CNTN5: variants seen among roughly 807,000 people sequenced by gnomAD.
CNTN5 encodes the protein contactin-5.
In CNTN5, 77 loss-of-function variants were observed where a neutral mutation model predicts 129.1. The observed-to-expected ratio is 0.60, with a 90% confidence interval of 0.50 to 0.72. The LOEUF is 0.72. Among genes scored for constraint, CNTN5 ranks in the 30% least tolerant of loss-of-function variants. The probability of loss-of-function intolerance (pLI) is 0.00; values close to 1 mark genes in which losing one functional copy is unlikely to be tolerated. For missense variants in CNTN5, 1,478 were observed against 1,328.8 expected (o/e 1.11, Z -1.75); for synonymous variants, 509 against 465.6 (o/e 1.09, Z -1.20).
At chr11:100,185,007 G>GCT (rs34369062) in intron 13 of CNTN5, among the ~76,000 whole-genome samples, 1 of 151,752 alleles carries the variant, frequency 6.6e-6, no homozygotes, top group African/African-American at 2.4e-5. Flanking sequence ...CCACCTTGGC[G>GCT]CTCTCTCTCC....
intron 2 of CNTN5, among the ~76,000 whole-genome samples, chr11:99,399,880 A>T (rs1052820422): frequency 2.0e-5 from 3 of 151,666 alleles, no homozygotes; most frequent in Non-Finnish European, 4.4e-5. Context: ...GTGGGTACAT[A>T]GAAGGTGGAT....
intron 1 of CNTN5, among the ~76,000 whole-genome samples, chr11:99,171,328 T>C (rs1861139285): frequency 6.6e-6 from 1 of 152,216 alleles, no homozygotes; most frequent in African/African-American, 2.4e-5. Flanking sequence ...AAGGATGTTT[T>C]TCTCCAATAC....
intron 13 of CNTN5, among the ~76,000 whole-genome samples, chr11:100,128,626 T>A (rs2112069): frequency 0.8 from 121,935 of 152,118 alleles, 49,786 homozygotes; most frequent in East Asian, 1. Flanking sequence ...ACAGCTATAG[T>A]AGAAAGGCAC....
Position 99,238,379 on chromosome 11 carries a change from G to C in CNTN5, c.-209-86967G>C, listed in dbSNP as rs114791353. The stretch of plus-strand genomic sequence containing the variant: ...AATCGATTGGCATAAAATGCAATCT[G>C]AACCTACACAATTTCAATTACCAGA... On this transcript the variant is annotated intron_variant, in intron 1 of 24. Transcript: ENST00000524871. Among the ~76,000 whole-genome samples, 346 of 152,200 alleles carry C rather than the reference G, an allele frequency of 2.3e-3. 3 individuals carry two copies. The highest frequency in any genetic ancestry group is 8.1e-3 in the African/African-American group (338 of 41,554).
intron 1 of CNTN5, among the ~76,000 whole-genome samples, chr11:99,215,119 A>G (rs551759650): frequency 1.7e-4 from 26 of 152,236 alleles, no homozygotes; most frequent in Admixed American, 5.9e-4. Flanking sequence ...TCATTGTCCC[A>G]TCAATTACTT....
intron 13 of CNTN5, among the ~76,000 whole-genome samples, chr11:100,187,520 A>T: frequency 6.6e-6 from 1 of 152,082 alleles, no homozygotes; most frequent in African/African-American, 2.4e-5. Context: ...AGCGGGAGGC[A>T]TCATATTACA....
intron 15 of CNTN5, among the ~76,000 whole-genome samples, chr11:100,211,325 G>A (rs1364414880): frequency 2.0e-5 from 3 of 152,076 alleles, no homozygotes; most frequent in African/African-American, 4.8e-5. Flanking sequence ...CAACATCGTA[G>A]CAGCTTCCCC....
At position 99,421,066 on chromosome 11, in the gene CNTN5, T is replaced by C. The variant is rs144888303; in HGVS notation, c.-71+95582T>C. On this transcript the variant is annotated intron_variant, in intron 2 of 24. Transcript: ENST00000524871. ...ATTGTGTCTTTCATCAGAAAGAGCA[T>C]GCAAAGCTGAATAAGAAGAACTTTT... Among the ~76,000 whole-genome samples the C allele has an allele frequency of 3.6e-3, 541 of 152,170 alleles. 8 individuals carry two copies. Among genetic ancestry groups the C allele is most frequent in the East Asian group, 0.03 (155 of 5,174 alleles).
chr11:99,025,496 A>AG (rs1196913020), intron 1 of CNTN5, among the ~76,000 whole-genome samples: 20 of 151,936 alleles, frequency 1.3e-4, no homozygotes, highest in South Asian at 4.1e-4. Context: ...CTCATCTTCC[A>AG]TTACTATCCA....
At chr11:100,211,505 T>C (rs911944927) in intron 15 of CNTN5, among the ~76,000 whole-genome samples, 3 of 152,034 alleles carry the variant, frequency 2.0e-5, no homozygotes, top group African/African-American at 7.2e-5. Context: ...TTTTTACCAA[T>C]GTCTTGGGAA....
chr11:99,553,517 T>C (rs1043848076), intron 2 of CNTN5, among the ~76,000 whole-genome samples: 1 of 152,094 alleles, frequency 6.6e-6, no homozygotes, highest in Non-Finnish European at 1.5e-5. Context: ...TCTTAAATAT[T>C]ATTTCATTTA....
Position 99,044,819 on chromosome 11 carries a change from T to A in CNTN5, c.-210+23549T>A, listed in dbSNP as rs181414122. ...TAATAATGCAAATATAAGGAAACTC[T>A]TATGGGGAAATTTTACACGGTCTCT... On this transcript the variant is annotated intron_variant, in intron 1 of 24. Transcript: ENST00000524871. Among the ~76,000 whole-genome samples the A allele has an allele frequency of 4.8e-3, 737 of 152,256 alleles. 5 individuals are homozygous for A. The highest frequency in any genetic ancestry group is 0.017 in the African/African-American group (704 of 41,550).
chr11:99,662,856 C>A (rs1952646812), intron 3 of CNTN5, among the ~76,000 whole-genome samples: 1 of 152,146 alleles, frequency 6.6e-6, no homozygotes, highest in African/African-American at 2.4e-5. Flanking sequence ...TTAAAAAGCT[C>A]CTCAGATGCA....
chr11:100,158,214 A>G (rs1353918600), intron 13 of CNTN5, among the ~76,000 whole-genome samples: 2 of 151,832 alleles, frequency 1.3e-5, no homozygotes, highest in African/African-American at 2.4e-5. Flanking sequence ...AACAAACCAA[A>G]ATCAAAACGA....
At chr11:99,821,524 T>A (rs770100604) in intron 4 of CNTN5, among the ~76,000 whole-genome samples, 12 of 151,730 alleles carry the variant, frequency 7.9e-5, no homozygotes, top group Non-Finnish European at 1.6e-4. Context: ...ATTAGACAAT[T>A]TTTTTTTTCT....
chr11:99,714,053 T>A (rs953001217), intron 3 of CNTN5, among the ~76,000 whole-genome samples: 2 of 151,884 alleles, frequency 1.3e-5, no homozygotes, highest in Non-Finnish European at 2.9e-5. Context: ...TTGTTTCTTT[T>A]TATTCATAGA....
chr11:99,165,987 T>C lies in CNTN5; in HGVS notation c.-210+144717T>C, dbSNP rs116564370. On this transcript the variant is annotated intron_variant, in intron 1 of 24. Coordinates refer to ENST00000524871, the MANE Select transcript of CNTN5 (RefSeq NM_014361.4). ...TTTGTATTATATTAGTACTATATGATGAATGTTTAATCTTTGGGCAGCCAG... is the reference window on the plus strand; with the variant it reads ...TTTGTATTATATTAGTACTATATGACGAATGTTTAATCTTTGGGCAGCCAG... 9.2e-5 allele frequency among the ~76,000 whole-genome samples: 14 copies of C among 152,314 alleles called. No homozygotes were observed. The East Asian group carries it at 2.3e-3, about 25-fold the overall frequency.
chr11:99,113,552 A>T (rs11218430), intron 1 of CNTN5, among the ~76,000 whole-genome samples: 4,825 of 152,248 alleles, frequency 0.032, 257 homozygotes, highest in African/African-American at 0.11. Context: ...AATGCACCTC[A>T]GAATTGCCTA....
chr11:99,524,617 G>C (rs1374013856), intron 2 of CNTN5, among the ~76,000 whole-genome samples: 1 of 151,966 alleles, frequency 6.6e-6, no homozygotes, highest in South Asian at 2.1e-4. Context: ...TTCTAAACCA[G>C]CCTGTCCTAC....
Sources: allele counts gnomAD v4.1 joint callset (sites outside exome capture counted in the v4.1 genomes callset), GRCh38; gene constraint gnomAD v4.1.1; transcripts MANE v1.5; gene names NCBI Gene and HGNC (gene_info 2026-07-23, HGNC 2026-07-21).